The following SLX4IP variants were observed in gnomAD, a reference collection of about 807,000 sequenced individuals.
The protein encoded by SLX4IP is SLX4 interacting protein.
Under a neutral mutation model 32.9 loss-of-function variants are expected in SLX4IP, and 34 were observed. The observed-to-expected ratio is 1.03, with a 90% CI of 0.79 to 1.38. The LOEUF (loss-of-function observed/expected upper bound fraction) is 1.38. Among genes scored for constraint, SLX4IP ranks in the 40% most tolerant of loss-of-function variants. The pLI, the probability that SLX4IP is intolerant of heterozygous loss-of-function variation, is 0.00. For synonymous variants in SLX4IP, 172 were observed against 171.7 expected (o/e 1.00, Z -0.01); for missense variants, 444 against 479.0 (o/e 0.93, Z 0.68).
chr20:10,559,318 A>G (rs1292479915), intron 3 of SLX4IP, among the ~76,000 whole-genome samples: 3 of 152,208 alleles, frequency 2.0e-5, no homozygotes, highest in African/African-American at 7.2e-5. Context: ...AGTTAAATCA[A>G]GGGTTTTCTA....
intron 1 of SLX4IP, among the ~76,000 whole-genome samples, chr20:10,447,569 A>G (rs747082892): frequency 2.0e-5 from 3 of 152,268 alleles, no homozygotes; most frequent in East Asian, 1.9e-4. Context: ...CTGGTTCATC[A>G]TTAAGCATTT....
At chr20:10,564,835 A>G (rs2066372510) in intron 4 of SLX4IP, among the ~76,000 whole-genome samples, 1 of 152,172 alleles carries the variant, frequency 6.6e-6, no homozygotes, top group Non-Finnish European at 1.5e-5. Flanking sequence ...ATTCCCATCA[A>G]TTCTGCCTCA....
intron 2 of SLX4IP, among the ~76,000 whole-genome samples, chr20:10,524,876 A>C (rs2065928609): frequency 6.6e-6 from 1 of 152,126 alleles, no homozygotes; most frequent in African/African-American, 2.4e-5. Flanking sequence ...TGTTCCTCGG[A>C]CATTTCTCCT....
At chr20:10,438,540 C>T (rs762085401) in intron 1 of SLX4IP, among the ~76,000 whole-genome samples, 25 of 139,914 alleles carry the variant, frequency 1.8e-4, no homozygotes, top group African/African-American at 2.7e-4. Context: ...AGCAATGGTG[C>T]GATCTTGGCT....
chr20:10,571,533 C>T (rs986977608), intron 4 of SLX4IP, among the ~76,000 whole-genome samples: 2 of 152,160 alleles, frequency 1.3e-5, no homozygotes, highest in Non-Finnish European at 2.9e-5. Flanking sequence ...GGTATCACCT[C>T]CTCCAAGGAG....
intron 2 of SLX4IP, among the ~76,000 whole-genome samples, chr20:10,500,290 G>C (rs902874650): frequency 3.3e-5 from 5 of 151,754 alleles, no homozygotes; most frequent in African/African-American, 1.2e-4. Flanking sequence ...ACCACACCCG[G>C]CTAATTTTTT....
At chr20:10,508,223 A>G (rs183866040) in intron 2 of SLX4IP, among the ~76,000 whole-genome samples, 111 of 152,318 alleles carry the variant, frequency 7.3e-4, no homozygotes, top group African/African-American at 2.1e-3. Flanking sequence ...TTGGAGCATC[A>G]GCCTACTTGG....
intron 4 of SLX4IP, among the ~76,000 whole-genome samples, chr20:10,593,176 A>G (rs1174578088): frequency 2.6e-5 from 4 of 152,210 alleles, no homozygotes; most frequent in Non-Finnish European, 5.9e-5. Flanking sequence ...TAAAGCAAAT[A>G]TCAGACCACT....
chr20:10,456,304 T>G (rs79549358), intron 1 of SLX4IP, among the ~76,000 whole-genome samples: 2,220 of 152,200 alleles, frequency 0.015, 48 homozygotes, highest in African/African-American at 0.049. Context: ...CTGTTTTGAT[T>G]GTTGTGATGT....
At chr20:10,484,433 T>A (rs984378230) in intron 2 of SLX4IP, among the ~76,000 whole-genome samples, 1 of 152,166 alleles carries the variant, frequency 6.6e-6, no homozygotes, top group Admixed American at 6.5e-5. Flanking sequence ...GGGAGCTCAT[T>A]GCTTTGGTAT....
chr20:10,603,736 G>C (rs1294450447), intron 6 of SLX4IP, among the ~76,000 whole-genome samples: 2 of 152,070 alleles, frequency 1.3e-5, no homozygotes, highest in Non-Finnish European at 2.9e-5. Flanking sequence ...GCGTCCCTCT[G>C]CCTAGCCTGC....
chr20:10,592,019 C>T (rs912266446), intron 4 of SLX4IP, among the ~76,000 whole-genome samples: 4 of 151,972 alleles, frequency 2.6e-5, no homozygotes, highest in Admixed American at 1.3e-4. Flanking sequence ...AATTTGGCTC[C>T]GAAGAATTAT....
intron 1 of SLX4IP, among the ~76,000 whole-genome samples, chr20:10,448,680 G>C (rs1229728630): frequency 6.6e-6 from 1 of 152,206 alleles, no homozygotes; most frequent in Admixed American, 6.5e-5. Context: ...ACCTGCGAGA[G>C]CAGGCAGACG....
At chr20:10,615,660 G>A (rs532815563) in intron 6 of SLX4IP, among the ~76,000 whole-genome samples, 1 of 152,252 alleles carries the variant, frequency 6.6e-6, no homozygotes, top group South Asian at 2.1e-4. Flanking sequence ...TAGTCCATTT[G>A]TGTTGCTATA....
At chr20:10,522,604 G>T (rs1002733297) in intron 2 of SLX4IP, among the ~76,000 whole-genome samples, 1 of 152,266 alleles carries the variant, frequency 6.6e-6, no homozygotes, top group South Asian at 2.1e-4. Context: ...TTGACCTGTT[G>T]CATTCTTAGC....
At chr20:10,483,203 C>T (rs1322194895) in intron 2 of SLX4IP, among the ~76,000 whole-genome samples, 1 of 152,156 alleles carries the variant, frequency 6.6e-6, no homozygotes, top group Non-Finnish European at 1.5e-5. Flanking sequence ...AACTGCAACC[C>T]CAGCCCCCTG....
intron 2 of SLX4IP, among the ~76,000 whole-genome samples, chr20:10,469,142 G>T (rs1240453210): frequency 1.3e-5 from 2 of 152,164 alleles, no homozygotes; most frequent in Non-Finnish European, 2.9e-5. Context: ...GTGGTCTAAA[G>T]CATTTCTGAA....
intron 2 of SLX4IP, among the ~76,000 whole-genome samples, chr20:10,515,215 G>A (rs1321855966): frequency 4.6e-5 from 7 of 150,564 alleles, no homozygotes; most frequent in South Asian, 2.1e-4. Flanking sequence ...CTCCCAAGTC[G>A]CTGGGATTAC....
chr20:10,591,232 T>C (rs1028376816), intron 4 of SLX4IP, among the ~76,000 whole-genome samples: 2 of 152,236 alleles, frequency 1.3e-5, no homozygotes, highest in Non-Finnish European at 2.9e-5. Context: ...ATCTTCTCAC[T>C]CAGCATTTTG....
Sources: allele counts gnomAD v4.1 joint callset (sites outside exome capture counted in the v4.1 genomes callset), GRCh38; gene constraint gnomAD v4.1.1; transcripts MANE v1.5; gene names NCBI Gene and HGNC (gene_info 2026-07-23, HGNC 2026-07-21).